Variants in NOVA1 observed in about 807,000 individuals in gnomAD.
NOVA1 encodes the protein NOVA alternative splicing regulator 1, also known as RNA-binding protein Nova-1.
In NOVA1, 7 loss-of-function variants were observed where a neutral mutation model predicts 38.0. That is an observed-to-expected ratio of 0.18 (90% confidence interval 0.10 to 0.35). NOVA1 has a LOEUF of 0.35. NOVA1 is among the 10% of genes least tolerant of loss of function. NOVA1 has a pLI of 1.00. For missense variants in NOVA1, 460 were observed against 616.0 expected, an observed-to-expected ratio of 0.75 and a Z score of 2.68; for synonymous variants, 270 against 232.5, an observed-to-expected ratio of 1.16 and a Z score of -1.47.
intron 3 of NOVA1, among the ~76,000 whole-genome samples, chr14:26,476,033 A>G (rs1045946601): frequency 2.0e-5 from 3 of 152,196 alleles, no homozygotes; most frequent in African/African-American, 7.2e-5. Context: ...TACTGAAGTA[A>G]TCACCTTCCC....
intron 2 of NOVA1, among the ~76,000 whole-genome samples, chr14:26,517,681 A>G (rs2138487406): frequency 6.6e-6 from 1 of 152,238 alleles, no homozygotes; most frequent in East Asian, 1.9e-4. Flanking sequence ...CAATTTTGCC[A>G]TTTGCCACTT....
chr14:26,500,860 T>G (rs2138404555), intron 2 of NOVA1, among the ~76,000 whole-genome samples: 1 of 152,116 alleles, frequency 6.6e-6, no homozygotes, highest in Middle Eastern at 3.4e-3. Flanking sequence ...TATACAATAT[T>G]TGTCATATAA....
In NOVA1 at chr14:26,520,731, A is replaced by G. The variant is rs543280334; in HGVS notation, c.281-40588T>C. ...ATTTTAGTGAGGGGACAAATTTGCAATTATGGAATCCAAGAATAATGAAGA... is the reference window on the plus strand; with the variant it reads ...ATTTTAGTGAGGGGACAAATTTGCAGTTATGGAATCCAAGAATAATGAAGA... On this transcript the variant is annotated intron_variant, in intron 2 of 4. Transcript: ENST00000539517. Among the ~76,000 whole-genome samples the G allele has an allele frequency of 1.8e-4, 27 of 152,260 alleles. No homozygotes were observed. In the East Asian group the frequency reaches 5.2e-3, roughly 29 times the overall value.
intron 2 of NOVA1, among the ~76,000 whole-genome samples, chr14:26,498,607 A>G (rs1357839080): frequency 6.6e-6 from 1 of 152,172 alleles, no homozygotes; most frequent in Non-Finnish European, 1.5e-5. Flanking sequence ...AGACATTTGT[A>G]TATGTAGTAT....
At position 26,597,768 on chromosome 14, in the gene NOVA1, A is replaced by G; in HGVS notation, c.-332T>C. The G allele has an allele frequency of 1.2e-6, 1 of 857,382 alleles. No individual in the cohort carries two copies. The highest frequency in any genetic ancestry group is 1.4e-6 in the Non-Finnish European group (1 of 716,070). The allele number at this position is 857,382 out of a possible 1,614,324, so 53.1% of individuals were successfully genotyped here. A position where few individuals can be genotyped will look rare whatever the true frequency, so the allele number is the denominator to read the frequency against. ...GAGAAGGGAGAGGGGCGAGTGAATG[A>G]GCGGGAGGAGGGGACCGGGGAGGAC... On this transcript the variant is annotated 5_prime_UTR_variant, in exon 1 of 5. Transcript: ENST00000539517.
At chr14:26,596,184 T>A (rs994377303) in intron 1 of NOVA1, 1 of 232,448 alleles carries the variant, frequency 4.3e-6, no homozygotes, top group Non-Finnish European at 8.6e-6. Flanking sequence ...TCCTAGTGCA[T>A]TTCTTTAGCA....
At chr14:26,536,241 G>C (rs1212945217) in intron 2 of NOVA1, among the ~76,000 whole-genome samples, 3 of 150,768 alleles carry the variant, frequency 2.0e-5, no homozygotes, top group African/African-American at 7.3e-5. Context: ...GAGAAGGCGG[G>C]ATGTTAAATG....
chr14:26,506,482 G>A (rs1268570521), intron 2 of NOVA1, among the ~76,000 whole-genome samples: 1 of 152,166 alleles, frequency 6.6e-6, no homozygotes, highest in South Asian at 2.1e-4. Context: ...TAAAATCATA[G>A]TCTTCTTCTT....
chr14:26,496,018 G>T (rs1240426171), intron 2 of NOVA1, among the ~76,000 whole-genome samples: 1 of 139,320 alleles, frequency 7.2e-6, no homozygotes, highest in Non-Finnish European at 1.6e-5. Flanking sequence ...ACCCAGTAAT[G>T]GGATGGCTGG....
At chr14:26,572,446 T>A (rs1263093008) in intron 2 of NOVA1, among the ~76,000 whole-genome samples, 2 of 152,202 alleles carry the variant, frequency 1.3e-5, no homozygotes, top group African/African-American at 4.8e-5. Context: ...TCTACTCGAT[T>A]ATTCATATAC....
intron 4 of NOVA1, among the ~76,000 whole-genome samples, chr14:26,450,155 A>G (rs549577417): frequency 7.2e-5 from 11 of 152,258 alleles, no homozygotes; most frequent in African/African-American, 2.6e-4. Flanking sequence ...AAGTGCTAAA[A>G]TTTGAGCAGG....
chr14:26,529,817 C>CCTTTTGTTTTT (rs1292919281), intron 2 of NOVA1, among the ~76,000 whole-genome samples: 1 of 152,130 alleles, frequency 6.6e-6, no homozygotes. Flanking sequence ...AGTCATGCAG[C>CCTTTTGTTTTT]CTTTTGTTTT....
At chr14:26,537,595 T>A (rs1166769598) in intron 2 of NOVA1, among the ~76,000 whole-genome samples, 1 of 152,134 alleles carries the variant, frequency 6.6e-6, no homozygotes, top group East Asian at 1.9e-4. Flanking sequence ...GTTAATGCCC[T>A]TATATCATCC....
At chr14:26,471,320 CA>C (rs1217565504) in intron 4 of NOVA1, among the ~76,000 whole-genome samples, 3 of 151,710 alleles carry the variant, frequency 2.0e-5, no homozygotes, top group East Asian at 1.9e-4. Context: ...AGATAATACG[CA>C]AAAGCCACAT....
chr14:26,491,407 G>A (rs1423275333), intron 2 of NOVA1, among the ~76,000 whole-genome samples: 1 of 152,022 alleles, frequency 6.6e-6, no homozygotes, highest in East Asian at 1.9e-4. Context: ...CTTTGTTAAT[G>A]TCCTTTGGTA....
chr14:26,519,116 G>A (rs1888686720), intron 2 of NOVA1: 3 of 151,980 alleles, frequency 2.0e-5, no homozygotes, highest in South Asian at 2.1e-4. Context: ...ATCTCTTCTC[G>A]TGAAATTAGT....
At chr14:26,492,983 C>A (rs1046534541) in intron 2 of NOVA1, among the ~76,000 whole-genome samples, 2 of 151,884 alleles carry the variant, frequency 1.3e-5, no homozygotes, top group Non-Finnish European at 2.9e-5. Context: ...CTTCAGCATA[C>A]CACAACATAT....
chr14:26,499,561 G>A (rs1887097127), intron 2 of NOVA1, among the ~76,000 whole-genome samples: 2 of 152,178 alleles, frequency 1.3e-5, no homozygotes, highest in Admixed American at 1.3e-4. Flanking sequence ...TAACATCAGT[G>A]TGTAGCCTGT....
intron 2 of NOVA1, among the ~76,000 whole-genome samples, chr14:26,514,092 G>A (rs1888288082): frequency 1.3e-5 from 2 of 151,524 alleles, no homozygotes; most frequent in Admixed American, 1.3e-4. Context: ...CAAGAAAATT[G>A]TTTTACATTT....
Sources: allele counts gnomAD v4.1 joint callset (sites outside exome capture counted in the v4.1 genomes callset), GRCh38; gene constraint gnomAD v4.1.1; transcripts MANE v1.5; gene names NCBI Gene and HGNC (gene_info 2026-07-23, HGNC 2026-07-21).